Variants in PRELID2 observed in about 807,000 individuals in gnomAD.
The protein encoded by PRELID2 is PRELI domain-containing protein 2.
PRELID2 carries 25 observed loss-of-function variants against 28.4 expected under a neutral mutation model. The ratio of observed to expected loss-of-function variants is 0.88; its 90% confidence interval spans 0.64 to 1.23. PRELID2 has a LOEUF of 1.23. Ranked by LOEUF, PRELID2 falls within the 50% of genes most tolerant of loss-of-function variation. The probability of loss-of-function intolerance (pLI) is 0.00; values close to 1 mark genes in which losing one functional copy is unlikely to be tolerated. For missense variants in PRELID2, 201 were observed against 214.4 expected, an observed-to-expected ratio of 0.94 and a Z score of 0.39; for synonymous variants, 76 against 71.6, an observed-to-expected ratio of 1.06 and a Z score of -0.31.
intron 1 of PRELID2, among the ~76,000 whole-genome samples, chr5:145,659,261 A>T (rs572399922): frequency 6.6e-6 from 1 of 152,342 alleles, no homozygotes; most frequent in African/African-American, 2.4e-5. Flanking sequence ...CAAGTCCAGC[A>T]CCATTATCTC....
chr5:145,679,360 G>C (rs1303053548), intron 1 of PRELID2, among the ~76,000 whole-genome samples: 1 of 152,212 alleles, frequency 6.6e-6, no homozygotes, highest in Non-Finnish European at 1.5e-5. Flanking sequence ...CAAAAGTTGA[G>C]ATGTCATTGA....
At chr5:145,471,047 T>C (rs978248509), downstream of PRELID2, among the ~76,000 whole-genome samples, 1 of 152,104 alleles carries the variant, frequency 6.6e-6, no homozygotes, top group Non-Finnish European at 1.5e-5. Context: ...GCAGTGATCA[T>C]TAATCTATTA....
the PRELID2 span, among the ~76,000 whole-genome samples, chr5:145,267,969 T>C: frequency 6.6e-6 from 1 of 152,210 alleles, no homozygotes; most frequent in Non-Finnish European, 1.5e-5. Context: ...GAAATATCTA[T>C]TCATATATTT....
the PRELID2 span, among the ~76,000 whole-genome samples, chr5:145,447,082 T>TAAATAAATAAATAAATAAAA: frequency 2.3e-4 from 35 of 150,580 alleles, no homozygotes; most frequent in African/African-American, 8.3e-4. Flanking sequence ...AATAAATAAA[T>TAAATAAATAAATAAATAAAA]AAAAATTTAA....
chr5:145,338,655 C>CA, the PRELID2 span, among the ~76,000 whole-genome samples: 2 of 152,176 alleles, frequency 1.3e-5, no homozygotes, highest in African/African-American at 4.8e-5. Context: ...ATTGAGTAAT[C>CA]AGTTGCTACC....
intron 1 of PRELID2, among the ~76,000 whole-genome samples, chr5:145,559,591 C>T (rs948274134): frequency 2.0e-5 from 3 of 152,118 alleles, no homozygotes; most frequent in Non-Finnish European, 4.4e-5. Flanking sequence ...TCTTTCTCAT[C>T]CCATGACTCC....
At chr5:145,832,787 A>ACACAC (rs1264402233) in intron 1 of PRELID2, among the ~76,000 whole-genome samples, 1 of 151,798 alleles carries the variant, frequency 6.6e-6, no homozygotes, top group Admixed American at 6.6e-5. Flanking sequence ...ACCACACCAC[A>ACACAC]CACACCACAC....
rs969247793 is a variant in PRELID2, at chr5:145,500,026, T to C, written n.71-26711A>G. 5.3e-5 allele frequency among the ~76,000 whole-genome samples: 8 copies of C among 152,284 alleles called. No homozygotes were observed. In the South Asian group the frequency reaches 1.4e-3, roughly 28 times the overall value. ...AACCTCCTGGTGCTTTCCAGTGTGA[T>C]GTTTGGAAAAGTCCAGCAATTATTC... is the stretch of plus-strand genomic sequence containing the variant. On this transcript the variant is annotated intron_variant and non_coding_transcript_variant, in intron 1 of 2. Coordinates refer to the PRELID2 transcript ENST00000510259.
the PRELID2 span, among the ~76,000 whole-genome samples, chr5:145,454,665 G>A: frequency 6.6e-6 from 1 of 152,106 alleles, no homozygotes; most frequent in Non-Finnish European, 1.5e-5. Context: ...AATCATGAGT[G>A]AACTCCCATT....
the PRELID2 span, among the ~76,000 whole-genome samples, chr5:145,350,743 G>A: frequency 0.015 from 2,354 of 152,238 alleles, 56 homozygotes; most frequent in African/African-American, 0.053. Context: ...TGATTCAGGG[G>A]CTGGACTCCT....
the PRELID2 span, among the ~76,000 whole-genome samples, chr5:145,294,748 C>T: frequency 2.0e-5 from 3 of 152,100 alleles, no homozygotes. Context: ...GGTGATAGAA[C>T]CATGAATCCC....
the PRELID2 span, among the ~76,000 whole-genome samples, chr5:145,332,804 C>A: frequency 6.6e-6 from 1 of 152,038 alleles, no homozygotes; most frequent in African/African-American, 2.4e-5. Context: ...CAGTTTTGTT[C>A]CCTTGCTGGC....
Position 145,796,459 on chromosome 5 carries a change from G to C in PRELID2, c.457C>G (p.Arg153Gly). 1 of 1,608,920 alleles carries C rather than the reference G, an allele frequency of 6.2e-7. No homozygotes were observed. Among genetic ancestry groups the C allele is most frequent in the Non-Finnish European group, 8.5e-7 (1 of 1,176,746 alleles). The change falls in exon 5 of 7, where the codon CGA (arginine) becomes GGA (glycine). Residue 153 changes from arginine (R) to glycine (G), a missense_variant. By Grantham distance (125) the Arg-to-Gly change is moderately radical. Transcript: ENST00000683046. The part of the protein sequence containing the change: ...VLETFASTFL[R>G]QGAQKGIRIM... ...ATGGTTACCTTCTGGGCTCCCTGTC[G>C]TAAGAATGTGCTGGCAAAAGTTTCT...
the PRELID2 span, among the ~76,000 whole-genome samples, chr5:145,377,141 A>G: frequency 1.3e-5 from 2 of 152,122 alleles, no homozygotes; most frequent in South Asian, 2.1e-4. Flanking sequence ...TAATTTCATT[A>G]TTTACCTAAA....
chr5:145,667,468 T>C (rs924576204), intron 1 of PRELID2, among the ~76,000 whole-genome samples: 3 of 152,124 alleles, frequency 2.0e-5, no homozygotes, highest in Admixed American at 6.6e-5. Flanking sequence ...TTGATGCAGA[T>C]ACTTCCCATT....
chr5:145,623,910 C>T (rs1264164349), intron 1 of PRELID2, among the ~76,000 whole-genome samples: 2 of 152,136 alleles, frequency 1.3e-5, no homozygotes, highest in Non-Finnish European at 2.9e-5. Context: ...AAGGCCTCAG[C>T]CCCACAAGAC....
At chr5:145,395,598 G>C in the PRELID2 span, among the ~76,000 whole-genome samples, 12 of 152,228 alleles carry the variant, frequency 7.9e-5, no homozygotes, top group East Asian at 3.9e-4. Flanking sequence ...ACCTTGTTGC[G>C]TGGTATTGAG....
At chr5:145,478,987 C>T (rs1326671813) in intron 1 of PRELID2, among the ~76,000 whole-genome samples, 1 of 152,166 alleles carries the variant, frequency 6.6e-6, no homozygotes, top group Non-Finnish European at 1.5e-5. Flanking sequence ...ACAATTCTTC[C>T]CCTCTGCCTT....
the PRELID2 span, among the ~76,000 whole-genome samples, chr5:145,324,237 G>C: frequency 2.6e-5 from 4 of 152,122 alleles, no homozygotes; most frequent in African/African-American, 9.7e-5. Context: ...TGTCATTGTA[G>C]GGTGGAAAGA....
Sources: gnomAD v4.1 joint callset for allele counts (sites outside exome capture counted in the v4.1 genomes callset) on GRCh38, gnomAD v4.1.1 for gene constraint, MANE v1.5 for transcripts, NCBI Gene and HGNC (gene_info 2026-07-23, HGNC 2026-07-21) for gene names.